HMCN1: variants seen among roughly 807,000 people sequenced by gnomAD.
The protein encoded by HMCN1 is hemicentin 1, also known as hemicentin-1.
In HMCN1, 321 loss-of-function variants were observed where a neutral mutation model predicts 625.9. The ratio of observed to expected loss-of-function variants is 0.51; its 90% CI spans 0.47 to 0.56. The LOEUF (loss-of-function observed/expected upper bound fraction) is 0.56, where lower values mean the gene tolerates loss of function less well. Ranked by LOEUF, HMCN1 falls within the 20% of genes least tolerant of loss-of-function variation. HMCN1 has a pLI of 0.00. For missense variants in HMCN1, 6,588 were observed against 6,887.3 expected (o/e 0.96, Z 1.54); for synonymous variants, 2,425 against 2,417.6 (o/e 1.00, Z -0.09).
At chr1:186,053,218 A>G (rs1657084850) in intron 43 of HMCN1, 144 bp downstream of exon 43, 1 of 705,136 alleles carries the variant, frequency 1.4e-6, no homozygotes, top group African/African-American at 1.8e-5. Flanking sequence ...TTTATATTAA[A>G]TGTGCAACAT....
At chr1:186,057,873 G>T (rs948294410) in intron 46 of HMCN1, among the ~76,000 whole-genome samples, 1 of 151,968 alleles carries the variant, frequency 6.6e-6, no homozygotes, top group Admixed American at 6.6e-5. Flanking sequence ...AAGAGATATT[G>T]ATCATATTCC....
At chr1:185,928,477 A>T in intron 9 of HMCN1, 69 bp from the exon 10 acceptor site, 1 of 1,268,556 alleles carries the variant, frequency 7.9e-7, no homozygotes, top group Non-Finnish European at 1.1e-6. Flanking sequence ...CAAAAGAAAT[A>T]GTTAATCATT....
Position 185,855,311 on chromosome 1 carries a change from A to G in HMCN1, c.340-9159A>G, listed in dbSNP as rs764949282. The stretch of plus-strand genomic sequence containing the variant: ...AAGATACCGAATCCTTGAAGAGGGT[A>G]AGAAAGAATTCTCTAAGAAGCTGAG... On this transcript the variant is annotated intron_variant, in intron 2 of 106. Transcript: ENST00000271588. Among the ~76,000 whole-genome samples, 133 of 152,310 alleles carry G rather than the reference A, an allele frequency of 8.7e-4. 1 individual carries two copies. Among genetic ancestry groups the G allele is most frequent in the Non-Finnish European group, 1.5e-3 (101 of 68,016 alleles).
At position 186,187,879 on chromosome 1, in the gene HMCN1, C is replaced by G; in HGVS notation, c.16415-4C>G. The G allele has an allele frequency of 6.2e-7, 1 of 1,613,676 alleles. No individual in the cohort carries two copies. Among genetic ancestry groups the G allele is most frequent in the East Asian group, 2.2e-5 (1 of 44,872 alleles). ...ATGCTGCATGTTCCCTGTGCTGTCC[C>G]TAGATATCGATGAATGTCTGGAGCA... On this transcript the variant is annotated splice_polypyrimidine_tract_variant and splice_region_variant and intron_variant, in intron 105 of 106. Coordinates refer to ENST00000271588, the MANE Select transcript of HMCN1 (RefSeq NM_031935.3).
intron 97 of HMCN1, among the ~76,000 whole-genome samples, chr1:186,158,393 T>C (rs1651180945): frequency 6.6e-6 from 1 of 152,170 alleles, no homozygotes; most frequent in African/African-American, 2.4e-5. Context: ...AGGTTGCCTG[T>C]TCACTCATGG....
At chr1:185,793,317 C>A (rs1658131318) in intron 1 of HMCN1, among the ~76,000 whole-genome samples, 1 of 152,194 alleles carries the variant, frequency 6.6e-6, no homozygotes, top group East Asian at 1.9e-4. Context: ...CCTTTCCCAG[C>A]TTTTAGATGT....
At chr1:186,053,190 G>T (rs985018494) in intron 43 of HMCN1, 116 bp downstream of exon 43, 1 of 905,294 alleles carries the variant, frequency 1.1e-6, no homozygotes, top group Non-Finnish European at 1.7e-6. Flanking sequence ...CATACTAAAT[G>T]CTAGACAGCA....
chr1:185,957,343 A>C (rs910007401), intron 11 of HMCN1, among the ~76,000 whole-genome samples: 2 of 152,210 alleles, frequency 1.3e-5, no homozygotes, highest in Non-Finnish European at 2.9e-5. Flanking sequence ...GGCTAAAGCA[A>C]TTTGTCACTG....
intron 11 of HMCN1, among the ~76,000 whole-genome samples, chr1:185,946,188 A>T (rs1668333429): frequency 6.6e-6 from 1 of 152,194 alleles, no homozygotes; most frequent in Admixed American, 6.5e-5. Context: ...CCTGATAGAT[A>T]CTAAGGTAGC....
intron 66 of HMCN1, 68 bp downstream of exon 66, chr1:186,093,737 T>C: frequency 6.3e-7 from 1 of 1,593,970 alleles, no homozygotes; most frequent in Non-Finnish European, 8.6e-7. Context: ...TTTCCTTCAT[T>C]TAAACAGTGT....
chr1:186,088,099 G>T (rs1659624330), intron 61 of HMCN1, 46 bp from the exon 62 acceptor site: 6 of 1,605,830 alleles, frequency 3.7e-6, no homozygotes, highest in South Asian at 1.1e-5. Flanking sequence ...GAGGACAAAT[G>T]ATTTTCTTCT....
chr1:186,154,479 G>A (rs1343726318), intron 97 of HMCN1, among the ~76,000 whole-genome samples: 4 of 152,170 alleles, frequency 2.6e-5, no homozygotes, highest in East Asian at 3.9e-4. Flanking sequence ...CCGAGATCAC[G>A]CCACTGCACT....
At chr1:186,122,614 A>C (rs966975816) in intron 80 of HMCN1, among the ~76,000 whole-genome samples, 1 of 152,244 alleles carries the variant, frequency 6.6e-6, no homozygotes, top group Non-Finnish European at 1.5e-5. Context: ...TTAAATACCT[A>C]AAGTGAATCA....
chr1:185,778,266 A>G (rs913296895), intron 1 of HMCN1, among the ~76,000 whole-genome samples: 1 of 152,076 alleles, frequency 6.6e-6, no homozygotes, highest in African/African-American at 2.4e-5. Context: ...AGGTATGGGG[A>G]CATCCATAGA....
intron 86 of HMCN1, among the ~76,000 whole-genome samples, chr1:186,135,125 C>A (rs909877086): frequency 6.6e-6 from 1 of 152,168 alleles, no homozygotes. Context: ...TGAAGTCTGT[C>A]ATATTCTGTC....
At chr1:185,990,242 C>G (rs1418193966) in intron 21 of HMCN1, 33 bp from the exon 22 acceptor site, 1 of 1,591,516 alleles carries the variant, frequency 6.3e-7, no homozygotes, top group Middle Eastern at 1.7e-4. Context: ...TTTCAATATA[C>G]TGTTTCCCTT....
intron 4 of HMCN1, among the ~76,000 whole-genome samples, chr1:185,907,479 C>T (rs886226418): frequency 2.6e-5 from 4 of 151,888 alleles, no homozygotes; most frequent in Admixed American, 1.3e-4. Flanking sequence ...GGCTTCCAGC[C>T]TCATCTTCTT....
chr1:185,948,900 A>G (rs1668492092), intron 11 of HMCN1, among the ~76,000 whole-genome samples: 1 of 151,744 alleles, frequency 6.6e-6, no homozygotes, highest in African/African-American at 2.4e-5. Flanking sequence ...GATTAAGCTG[A>G]AGGGAGGTCT....
At chr1:185,974,353 A>C (rs12059676) in intron 15 of HMCN1, among the ~76,000 whole-genome samples, 5,927 of 152,306 alleles carry the variant, frequency 0.039, 254 homozygotes, top group African/African-American at 0.1. Flanking sequence ...ATTATTATAT[A>C]CTAAATGATT....
Sources: gnomAD v4.1 joint callset for allele counts (sites outside exome capture counted in the v4.1 genomes callset) on GRCh38, gnomAD v4.1.1 for gene constraint, MANE v1.5 for transcripts, NCBI Gene and HGNC (gene_info 2026-07-23, HGNC 2026-07-21) for gene names.